ROBO1: variants seen among roughly 807,000 people sequenced by gnomAD.
ROBO1 encodes the protein roundabout homolog 1.
In ROBO1, 149 loss-of-function variants were observed where a neutral mutation model predicts 195.9. The ratio of observed to expected loss-of-function variants is 0.76; its 90% confidence interval spans 0.67 to 0.87. The LOEUF (loss-of-function observed/expected upper bound fraction) is 0.87. ROBO1 is among the 40% of genes least tolerant of loss of function. ROBO1 has a pLI of 0.00. For missense variants in ROBO1, 1,933 were observed against 2,068.3 expected (o/e 0.93, Z 1.27); for synonymous variants, 816 against 733.2 (o/e 1.11, Z -1.82).
At chr3:79,738,391 G>C (rs1286569483) in intron 1 of ROBO1, among the ~76,000 whole-genome samples, 1 of 152,142 alleles carries the variant, frequency 6.6e-6, no homozygotes, top group Non-Finnish European at 1.5e-5. Flanking sequence ...AATCAATGTT[G>C]TGCATAAAAT....
chr3:79,163,876 CT>C (rs1365962869), intron 2 of ROBO1, among the ~76,000 whole-genome samples: 1 of 152,100 alleles, frequency 6.6e-6, no homozygotes, highest in Non-Finnish European at 1.5e-5. Context: ...CCAGCATCCC[CT>C]GATTCTAAAT....
At chr3:79,755,852 T>G (rs1382638616) in intron 1 of ROBO1, among the ~76,000 whole-genome samples, 1 of 152,210 alleles carries the variant, frequency 6.6e-6, no homozygotes, top group Non-Finnish European at 1.5e-5. Context: ...GTAATCCCAT[T>G]TGATCATATT....
At chr3:79,382,269 T>G (rs2036600559) in intron 2 of ROBO1, among the ~76,000 whole-genome samples, 1 of 152,178 alleles carries the variant, frequency 6.6e-6, no homozygotes, top group Non-Finnish European at 1.5e-5. Context: ...GTGCACTTAA[T>G]TTTTATAAAC....
At chr3:79,335,304 G>A (rs573084079) in intron 2 of ROBO1, among the ~76,000 whole-genome samples, 1 of 152,246 alleles carries the variant, frequency 6.6e-6, no homozygotes, top group South Asian at 2.1e-4. Context: ...TGTACAGGGA[G>A]TGACAATCTC....
At chr3:79,010,234 A>G in intron 3 of ROBO1, among the ~76,000 whole-genome samples, 1 of 152,128 alleles carries the variant, frequency 6.6e-6, no homozygotes, top group Middle Eastern at 3.2e-3. Flanking sequence ...TCTTTAAGGG[A>G]ATAGTATAGT....
chr3:78,946,012 T>C (rs1451031533), intron 3 of ROBO1, among the ~76,000 whole-genome samples: 2 of 150,962 alleles, frequency 1.3e-5, no homozygotes, highest in Admixed American at 6.6e-5. Context: ...CCAAGAAATA[T>C]AGGACCATGT....
rs1360845833 is a variant in ROBO1, at chr3:79,584,381, C to T, written c.88+5443G>A. Reference sequence around the variant, plus strand: ...AAATAGGAACTAAGTAACTGACTTCCATTTCTCACCTTTGGGGAGAGTTTT... The same window carrying T: ...AAATAGGAACTAAGTAACTGACTTCTATTTCTCACCTTTGGGGAGAGTTTT... On this transcript the variant is annotated intron_variant, in intron 2 of 30. Transcript: ENST00000464233. Among the ~76,000 whole-genome samples, 6 of 150,616 alleles carry T rather than the reference C, an allele frequency of 4.0e-5. No individual in the cohort carries two copies. In the Admixed American group the frequency reaches 4.0e-4, roughly 10 times the overall value.
intron 1 of ROBO1, among the ~76,000 whole-genome samples, chr3:79,765,055 G>A (rs369680370): frequency 3.3e-5 from 5 of 152,160 alleles, no homozygotes; most frequent in African/African-American, 1.2e-4. Context: ...GAAGCGAAGG[G>A]AAGTAAAAGG....
rs372172236 is a variant in ROBO1 at position 78,955,572 on chromosome 3, T to C, written c.173-16645A>G. On this transcript the variant is annotated intron_variant, in intron 3 of 30. Transcript: ENST00000464233. ...TCTAAAGAGTTACATCAGATTTTCA[T>C]GGAATCTGTATATTACAAATATAAT... Among the ~76,000 whole-genome samples the C allele has an allele frequency of 3.0e-4, 46 of 152,272 alleles. 1 individual carries two copies. Among genetic ancestry groups the C allele is most frequent in the African/African-American group, 1.0e-3 (42 of 41,572 alleles).
At position 79,407,454 on chromosome 3, in the gene ROBO1, T is replaced by C. The variant is rs1007009390; in HGVS notation, c.88+182370A>G. Among the ~76,000 whole-genome samples, 59 of 152,182 alleles carry C rather than the reference T, an allele frequency of 3.9e-4. 1 individual carries two copies. The highest frequency in any genetic ancestry group is 1.4e-3 in the African/African-American group (57 of 41,454). On this transcript the variant is annotated intron_variant, in intron 2 of 30. Transcript: ENST00000464233. ...CATGATACAAATTTATGACACTTGT[T>C]GTGTTTAGTTCCACTTTTATAAACC...
intron 2 of ROBO1, among the ~76,000 whole-genome samples, chr3:79,318,481 C>T (rs546455313): frequency 6.6e-6 from 1 of 152,282 alleles, no homozygotes; most frequent in East Asian, 1.9e-4. Flanking sequence ...TTAGGTCCCT[C>T]AGGAAAGTAC....
chr3:79,070,466 T>A (rs367724108), intron 3 of ROBO1, among the ~76,000 whole-genome samples: 4 of 151,980 alleles, frequency 2.6e-5, no homozygotes, highest in Middle Eastern at 3.4e-3. Context: ...GGAATGAAAA[T>A]TTTAGTTTTA....
At position 79,484,755 on chromosome 3, in the gene ROBO1, C is replaced by CTTTTTTTT. The variant is rs1158213253; in HGVS notation, c.88+105061_88+105068dup. 3.8e-3 allele frequency among the ~76,000 whole-genome samples: 251 copies of CTTTTTTTT among 66,860 alleles called. 71 individuals carry two copies. Among genetic ancestry groups the CTTTTTTTT allele is most frequent in the Non-Finnish European group, 5.2e-3 (196 of 37,634 alleles). The allele number at this position is 66,860 out of a possible 152,430, so 43.9% of individuals were successfully genotyped here. A position where few individuals can be genotyped will look rare whatever the true frequency, so the allele number is the denominator to read the frequency against. ...TTATACACCACTATCATTGCACTAT[C>CTTTTTTTT]TTTTTTTTTTTTTTTTTGAGACAGA... is the stretch of plus-strand genomic sequence containing the variant. On this transcript the variant is annotated intron_variant, in intron 2 of 30. Transcript: ENST00000464233.
At chr3:79,270,010 A>T (rs2030375395) in intron 2 of ROBO1, among the ~76,000 whole-genome samples, 1 of 151,862 alleles carries the variant, frequency 6.6e-6, no homozygotes. Context: ...TTGTTGAAGA[A>T]ACAAATTAAT....
intron 21 of ROBO1, among the ~76,000 whole-genome samples, chr3:78,642,181 CATATA>C (rs1042975567): frequency 1.2e-4 from 18 of 152,018 alleles, no homozygotes; most frequent in South Asian, 2.1e-4. Context: ...GTAATATTAT[CATATA>C]ATATAATAAG....
chr3:79,602,513 G>A (rs1427790919), intron 1 of ROBO1, among the ~76,000 whole-genome samples: 1 of 151,904 alleles, frequency 6.6e-6, no homozygotes, highest in Non-Finnish European at 1.5e-5. Context: ...ACTGTCTCTT[G>A]CCTTTTCAGC....
intron 2 of ROBO1, among the ~76,000 whole-genome samples, chr3:79,506,054 G>C (rs982041579): frequency 1.3e-5 from 2 of 152,110 alleles, no homozygotes; most frequent in African/African-American, 4.8e-5. Context: ...AATACACCTA[G>C]ACAACATCTT....
intron 5 of ROBO1, among the ~76,000 whole-genome samples, chr3:78,739,140 A>T: frequency 6.6e-6 from 1 of 152,310 alleles, no homozygotes; most frequent in African/African-American, 2.4e-5. Flanking sequence ...GTGTCTTTTA[A>T]GCTCTTCTTC....
intron 2 of ROBO1, among the ~76,000 whole-genome samples, chr3:79,480,212 T>C (rs1938765197): frequency 6.6e-6 from 1 of 152,180 alleles, no homozygotes; most frequent in African/African-American, 2.4e-5. Context: ...TTACAAATAT[T>C]GAAAAGACAG....
Sources: allele counts gnomAD v4.1 joint callset (sites outside exome capture counted in the v4.1 genomes callset), GRCh38; gene constraint gnomAD v4.1.1; transcripts MANE v1.5; gene names NCBI Gene and HGNC (gene_info 2026-07-23, HGNC 2026-07-21).